The following CERS6 variants were observed in gnomAD, a reference collection of about 807,000 sequenced individuals.
The protein encoded by CERS6 is ceramide synthase 6.
CERS6 carries 26 observed loss-of-function variants against 56.8 expected under a neutral mutation model. The observed-to-expected ratio is 0.46, with a 90% CI of 0.34 to 0.63. The LOEUF (loss-of-function observed/expected upper bound fraction) is 0.63, where lower values mean the gene tolerates loss of function less well. Among genes scored for constraint, CERS6 ranks in the 30% least tolerant of loss-of-function variants. The pLI is 0.01. For synonymous variants in CERS6, 164 were observed against 173.3 expected (o/e 0.95, Z 0.42); for missense variants, 415 against 467.5 (o/e 0.89, Z 1.04).
intron 1 of CERS6, among the ~76,000 whole-genome samples, chr2:168,482,974 A>G (rs1013777648): frequency 6.6e-5 from 10 of 152,210 alleles, no homozygotes; most frequent in African/African-American, 2.2e-4. Context: ...CTTGCATGTG[A>G]TAGTCTGGAC....
At chr2:168,605,843 C>T (rs1005343899) in intron 3 of CERS6, among the ~76,000 whole-genome samples, 1 of 152,168 alleles carries the variant, frequency 6.6e-6, no homozygotes, top group African/African-American at 2.4e-5. Context: ...ACCTAGATTT[C>T]AGAGGATGTA....
chr2:168,755,227 A>G (rs1469996262), intron 8 of CERS6, among the ~76,000 whole-genome samples: 1 of 152,256 alleles, frequency 6.6e-6, no homozygotes, highest in Non-Finnish European at 1.5e-5. Context: ...TTGATATTGT[A>G]TCTGATCTGC....
chr2:168,614,374 A>T lies in CERS6; in HGVS notation c.408-16611A>T, dbSNP rs527505254. On this transcript the variant is annotated intron_variant, in intron 3 of 9. Coordinates refer to ENST00000305747, the MANE Select transcript of CERS6 (RefSeq NM_203463.3). Reference sequence around the variant, plus strand: ...TACAAACAACTTAAAACTCCAGGAGATGAGGCATGATTTTAAATGTCTGCA... The same window carrying T: ...TACAAACAACTTAAAACTCCAGGAGTTGAGGCATGATTTTAAATGTCTGCA... Among the ~76,000 whole-genome samples, 30 of 152,324 alleles carry T rather than the reference A, an allele frequency of 2.0e-4. No individual in the cohort carries two copies. The East Asian group carries it at 4.6e-3, about 23-fold the overall frequency.
At chr2:168,511,969 C>T (rs924958937) in intron 1 of CERS6, among the ~76,000 whole-genome samples, 2 of 152,078 alleles carry the variant, frequency 1.3e-5, no homozygotes, top group Non-Finnish European at 2.9e-5. Context: ...CACACACACA[C>T]ACACACACAC....
intron 1 of CERS6, among the ~76,000 whole-genome samples, chr2:168,543,463 G>C (rs1461462081): frequency 7.0e-6 from 1 of 142,304 alleles, no homozygotes; most frequent in Non-Finnish European, 1.5e-5. Context: ...GTTAGAACTG[G>C]CATTAAAAAA....
chr2:168,740,846 C>A (rs150206722), intron 8 of CERS6, among the ~76,000 whole-genome samples: 1 of 152,118 alleles, frequency 6.6e-6, no homozygotes, highest in Non-Finnish European at 1.5e-5. Flanking sequence ...GGACTGGAAG[C>A]CTATGGCAGT....
In CERS6 at chr2:168,756,429, C is replaced by T. The variant is rs77723826; in HGVS notation, c.846-9163C>T. Among the ~76,000 whole-genome samples, 576 of 152,210 alleles carry T rather than the reference C, an allele frequency of 3.8e-3. 3 individuals are homozygous for T. The highest frequency in any genetic ancestry group is 0.013 in the African/African-American group (560 of 41,514). On this transcript the variant is annotated intron_variant, in intron 8 of 9. Coordinates refer to ENST00000305747, the MANE Select transcript of CERS6 (RefSeq NM_203463.3). ...TGTCTTGAATATTTTGTGTACATGA[C>T]AAAGTAGTAATGAAAGGAATTATAT...
rs1185797175 is a variant in CERS6, at chr2:168,771,652, A to G, written c.*1990A>G. 1.3e-5 allele frequency: 2 copies of G among 152,240 alleles called. No individual in the cohort carries two copies. Among genetic ancestry groups the G allele is most frequent in the Non-Finnish European group, 1.5e-5 (1 of 68,048 alleles). 9.4% of individuals were successfully genotyped at this position (152,240 alleles called of 1,614,324 possible). A position where few individuals can be genotyped will look rare whatever the true frequency, so the allele number is the denominator to read the frequency against. On this transcript the variant is annotated 3_prime_UTR_variant, in exon 10 of 10. Transcript: ENST00000305747. ...AAGGTAAAAGTTTCTTAATTAAAAT[A>G]TGAACATATTTAGCTTGCTTTAGTG...
chr2:168,467,248 G>C (rs1018508807), intron 1 of CERS6, among the ~76,000 whole-genome samples: 2 of 152,198 alleles, frequency 1.3e-5, no homozygotes, highest in Non-Finnish European at 2.9e-5. Flanking sequence ...AAAGCTGCCA[G>C]CTAGTCTAAG....
intron 6 of CERS6, among the ~76,000 whole-genome samples, chr2:168,705,393 A>G (rs1353120234): frequency 6.6e-6 from 1 of 152,110 alleles, no homozygotes; most frequent in Non-Finnish European, 1.5e-5. Flanking sequence ...ACAAAAACAA[A>G]CCTGCATGGC....
At chr2:168,558,380 T>C (rs1451093375) in intron 2 of CERS6, among the ~76,000 whole-genome samples, 2 of 152,112 alleles carry the variant, frequency 1.3e-5, no homozygotes, top group Non-Finnish European at 1.5e-5. Flanking sequence ...GATAAGTAAA[T>C]TATGGTATAT....
chr2:168,739,728 T>C (rs891062140), intron 8 of CERS6, among the ~76,000 whole-genome samples: 2 of 152,232 alleles, frequency 1.3e-5, no homozygotes, highest in East Asian at 3.9e-4. Flanking sequence ...CACTGCCTTC[T>C]GTGGTATGAA....
At chr2:168,685,809 T>C (rs912571530) in intron 4 of CERS6, among the ~76,000 whole-genome samples, 12 of 152,010 alleles carry the variant, frequency 7.9e-5, no homozygotes, top group South Asian at 6.2e-4. Context: ...TGGATATGCT[T>C]GCTGCTGAGT....
intron 8 of CERS6, among the ~76,000 whole-genome samples, chr2:168,747,661 CTTTTTT>C (rs909636129): frequency 6.6e-6 from 1 of 151,982 alleles, no homozygotes; most frequent in African/African-American, 2.4e-5. Context: ...AGTGTTTTCT[CTTTTTT>C]ATGTATATTT....
intron 1 of CERS6, among the ~76,000 whole-genome samples, chr2:168,473,260 T>A (rs951076743): frequency 2.0e-5 from 3 of 152,156 alleles, no homozygotes; most frequent in Non-Finnish European, 4.4e-5. Flanking sequence ...CATGTTTGTT[T>A]AAGTTTTTTC....
At chr2:168,571,377 C>T (rs562851136) in intron 3 of CERS6, among the ~76,000 whole-genome samples, 2 of 152,056 alleles carry the variant, frequency 1.3e-5, no homozygotes, top group Non-Finnish European at 2.9e-5. Flanking sequence ...TGTCCTGAAA[C>T]TTGGCGCATT....
intron 1 of CERS6, among the ~76,000 whole-genome samples, chr2:168,504,996 G>C (rs1407647629): frequency 6.6e-6 from 1 of 152,138 alleles, no homozygotes; most frequent in East Asian, 1.9e-4. Context: ...AGTAATTAGT[G>C]ACAGACAAGG....
intron 8 of CERS6, among the ~76,000 whole-genome samples, chr2:168,763,195 T>C (rs1684627877): frequency 6.6e-6 from 1 of 151,462 alleles, no homozygotes; most frequent in African/African-American, 2.4e-5. Context: ...TCTTTTTTCT[T>C]TATCTCTTAT....
intron 3 of CERS6, among the ~76,000 whole-genome samples, chr2:168,562,665 T>C (rs1301437230): frequency 1.3e-5 from 2 of 152,164 alleles, no homozygotes; most frequent in Non-Finnish European, 2.9e-5. Context: ...CCTCCCACCA[T>C]AGGGCAGCTT....
Sources: allele counts gnomAD v4.1 joint callset (sites outside exome capture counted in the v4.1 genomes callset), GRCh38; gene constraint gnomAD v4.1.1; transcripts MANE v1.5; gene names NCBI Gene and HGNC (gene_info 2026-07-23, HGNC 2026-07-21).